The following TRPS1 variants were observed in gnomAD, a reference collection of about 807,000 sequenced individuals.
The protein encoded by TRPS1 is zinc finger transcription factor Trps1.
In TRPS1, 6 loss-of-function variants were observed where a neutral mutation model predicts 101.2. That is an observed-to-expected ratio of 0.06 (90% CI 0.03 to 0.12). TRPS1 has a LOEUF of 0.12. TRPS1 is among the 10% of genes least tolerant of loss of function. TRPS1 has a pLI of 1.00. For synonymous variants in TRPS1, 578 were observed against 589.8 expected, an observed-to-expected ratio of 0.98 and a Z score of 0.29; for missense variants, 1,363 against 1,567.0, an observed-to-expected ratio of 0.87 and a Z score of 2.20.
intron 3 of TRPS1, among the ~76,000 whole-genome samples, chr8:115,609,418 G>A (rs1257339722): frequency 6.6e-6 from 1 of 152,152 alleles, no homozygotes; most frequent in Non-Finnish European, 1.5e-5. Flanking sequence ...TCCTTCTTGA[G>A]CTACAAGAAT....
chr8:115,591,092 C>T (rs763661923), intron 4 of TRPS1, among the ~76,000 whole-genome samples: 4 of 152,138 alleles, frequency 2.6e-5, no homozygotes, highest in Non-Finnish European at 4.4e-5. Flanking sequence ...AAAGAATGAG[C>T]AGTTTAGCCT....
At chr8:115,488,371 T>C (rs1353960716) in intron 5 of TRPS1, among the ~76,000 whole-genome samples, 1 of 152,132 alleles carries the variant, frequency 6.6e-6, no homozygotes, top group Admixed American at 6.5e-5. Context: ...CCCACAGTTA[T>C]CTCCAAGGTA....
At chr8:115,533,436 G>GTTTTTTTTTTTTT (rs1161916592) in intron 5 of TRPS1, among the ~76,000 whole-genome samples, 2,287 of 34,850 alleles carry the variant, frequency 0.066, 672 homozygotes, top group East Asian at 0.13. Context: ...CATGTAATCT[G>GTTTTTTTTTTTTT]TTTTTTTTTT....
At chr8:115,544,032 G>C (rs1037145418) in intron 5 of TRPS1, among the ~76,000 whole-genome samples, 12 of 151,868 alleles carry the variant, frequency 7.9e-5, no homozygotes, top group South Asian at 4.2e-4. Context: ...AATGTATTTA[G>C]ACATAAAATA....
chr8:115,664,639 G>C (rs1811881128), intron 1 of TRPS1, among the ~76,000 whole-genome samples: 1 of 152,024 alleles, frequency 6.6e-6, no homozygotes, highest in African/African-American at 2.4e-5. Flanking sequence ...AAAAGAGGGA[G>C]AAAAAGAAAC....
intron 5 of TRPS1, among the ~76,000 whole-genome samples, chr8:115,570,219 C>T (rs1225444653): frequency 6.6e-6 from 1 of 151,842 alleles, no homozygotes; most frequent in African/African-American, 2.4e-5. Flanking sequence ...GAGTAAGTAA[C>T]TCACTAGATA....
At chr8:115,515,236 T>C (rs1815681462) in intron 5 of TRPS1, 2 of 697,732 alleles carry the variant, frequency 2.9e-6, no homozygotes, top group Non-Finnish European at 5.2e-6. Context: ...TCTGGTTTTC[T>C]CAAAGACTAA....
Position 115,489,630 on chromosome 8 carries a change from CAA to C in TRPS1, c.2701-71180_2701-71179del, listed in dbSNP as rs772055384. ...GCCACATTATGTTTGAATTTCAAAG[CAA>C]AGAGTGGCTTTTGGCAGGATGAAAA... On this transcript the variant is annotated intron_variant, in intron 5 of 6. Transcript: ENST00000395715. Among the ~76,000 whole-genome samples the C allele has an allele frequency of 2.6e-5, 4 of 151,876 alleles. No homozygotes were observed. The East Asian group carries it at 7.7e-4, about 29-fold the overall frequency.
Position 115,587,260 on chromosome 8 carries a change from C to G in TRPS1, c.2441G>C (p.Arg814Pro). 6.2e-7 allele frequency: 1 copy of G among 1,614,208 alleles called. No homozygotes were observed. Reference protein sequence around the residue: ...NVTWRGADILRGSPSYTQASL... With the variant: ...NVTWRGADILPGSPSYTQASL... ...TGCTTGGGTGTATGACGGACTCCCCCGCAGGATGTCTGCCCCTCTCCAAGT... is the reference window on the plus strand; with the variant it reads ...TGCTTGGGTGTATGACGGACTCCCCGGCAGGATGTCTGCCCCTCTCCAAGT... The change falls in exon 5 of 7, where the codon CGG becomes CCG. Residue 814 changes from arginine to proline, a missense_variant. By Grantham distance (103) the Arg-to-Pro change is moderately radical. Coordinates refer to ENST00000395715, the MANE Select transcript of TRPS1 (RefSeq NM_014112.5).
At chr8:115,492,241 A>G (rs1815042186) in intron 5 of TRPS1, 1 of 456,104 alleles carries the variant, frequency 2.2e-6, no homozygotes, top group Non-Finnish European at 4.4e-6. Flanking sequence ...TTTGCTAAAC[A>G]AGGACTCAGA....
At chr8:115,607,361 T>G (rs1252651950) in intron 3 of TRPS1, among the ~76,000 whole-genome samples, 4 of 151,434 alleles carry the variant, frequency 2.6e-5, no homozygotes, top group Non-Finnish European at 5.9e-5. Context: ...CATTTTGGTT[T>G]AGGATTAACT....
intron 5 of TRPS1, among the ~76,000 whole-genome samples, chr8:115,437,168 C>T (rs1371673351): frequency 6.6e-6 from 1 of 152,178 alleles, no homozygotes; most frequent in Non-Finnish European, 1.5e-5. Context: ...CAATCCAGGA[C>T]ATTTTCTTTT....
At chr8:115,549,372 T>A (rs921474477) in intron 5 of TRPS1, among the ~76,000 whole-genome samples, 1 of 152,208 alleles carries the variant, frequency 6.6e-6, no homozygotes, top group Non-Finnish European at 1.5e-5. Context: ...ATGTTTCCAA[T>A]ATGACAGGTC....
At chr8:115,531,732 G>GT (rs1165655138) in intron 5 of TRPS1, among the ~76,000 whole-genome samples, 4 of 151,928 alleles carry the variant, frequency 2.6e-5, no homozygotes, top group African/African-American at 9.7e-5. Flanking sequence ...GCTGAGAAGG[G>GT]TTAAAAAAAA....
In TRPS1 at chr8:115,555,247, A is replaced by G. The variant is rs932837535; in HGVS notation, c.2700+31754T>C. Among the ~76,000 whole-genome samples the G allele has an allele frequency of 9.2e-5, 14 of 152,280 alleles. 1 individual carries two copies. In the South Asian group the frequency reaches 1.0e-3, roughly 11 times the overall value. ...TGCTAACTTCGCTCTTAGAACATTC[A>G]GTAAGATATCAGGTAGAATTTCTTT... On this transcript the variant is annotated intron_variant, in intron 5 of 6. Coordinates refer to ENST00000395715, the MANE Select transcript of TRPS1 (RefSeq NM_014112.5).
intron 3 of TRPS1, among the ~76,000 whole-genome samples, chr8:115,609,892 G>A (rs1247260852): frequency 1.3e-5 from 2 of 152,138 alleles, no homozygotes; most frequent in South Asian, 2.1e-4. Flanking sequence ...TACCGTAGAA[G>A]TGAAGAATAT....
chr8:115,480,916 G>A (rs895004475), intron 5 of TRPS1, among the ~76,000 whole-genome samples: 1 of 152,038 alleles, frequency 6.6e-6, no homozygotes, highest in Admixed American at 6.6e-5. Flanking sequence ...TAAGTCGACA[G>A]AATTATTAGC....
intron 5 of TRPS1, among the ~76,000 whole-genome samples, chr8:115,484,647 C>T (rs1244470250): frequency 6.6e-6 from 1 of 152,098 alleles, no homozygotes; most frequent in Non-Finnish European, 1.5e-5. Context: ...TCAAAAATGA[C>T]TTTTTTCCTG....
At chr8:115,561,694 G>A (rs1005060751) in intron 5 of TRPS1, among the ~76,000 whole-genome samples, 1 of 151,786 alleles carries the variant, frequency 6.6e-6, no homozygotes, top group African/African-American at 2.4e-5. Flanking sequence ...AGTGTGCATC[G>A]TCAAGCTACT....
Sources: gnomAD v4.1 joint callset for allele counts (sites outside exome capture counted in the v4.1 genomes callset) on GRCh38, gnomAD v4.1.1 for gene constraint, MANE v1.5 for transcripts, NCBI Gene and HGNC (gene_info 2026-07-23, HGNC 2026-07-21) for gene names.